The following DNAH6 variants were observed in gnomAD, a reference collection of about 807,000 sequenced individuals.
DNAH6 encodes the protein dynein axonemal heavy chain 6.
DNAH6 carries 340 observed loss-of-function variants against 491.4 expected under a neutral mutation model. The observed-to-expected ratio is 0.69, with a 90% CI of 0.63 to 0.76. DNAH6 has a LOEUF of 0.76. Among genes scored for constraint, DNAH6 ranks in the 30% least tolerant of loss-of-function variants. The pLI, the probability that DNAH6 is intolerant of heterozygous loss-of-function variation, is 0.00. For synonymous variants in DNAH6, 1,603 were observed against 1,686.1 expected (o/e 0.95, Z 1.21); for missense variants, 4,443 against 4,972.2 (o/e 0.89, Z 3.20).
intron 64 of DNAH6, among the ~76,000 whole-genome samples, chr2:84,772,323 A>G (rs916477988): frequency 6.6e-6 from 1 of 152,160 alleles, no homozygotes; most frequent in African/African-American, 2.4e-5. Flanking sequence ...TAAAAAAATC[A>G]GAGAAGTAAA....
At chr2:84,775,632 T>C (rs1338886374) in intron 64 of DNAH6, among the ~76,000 whole-genome samples, 1 of 152,276 alleles carries the variant, frequency 6.6e-6, no homozygotes, top group East Asian at 1.9e-4. Flanking sequence ...TGTGAATCTT[T>C]CTGGTCCAGG....
intron 29 of DNAH6, 71 bp from the exon 30 acceptor site, chr2:84,634,433 A>G (rs1688681486): frequency 5.2e-6 from 7 of 1,342,400 alleles, no homozygotes; most frequent in Non-Finnish European, 6.7e-6. Flanking sequence ...TTAATATTTC[A>G]GCTCAGAATT....
At chr2:84,521,948 C>A (rs12336779) in intron 2 of DNAH6, among the ~76,000 whole-genome samples, 5 of 152,112 alleles carry the variant, frequency 3.3e-5, no homozygotes, top group Non-Finnish European at 7.4e-5. Context: ...ATTGCCTTGG[C>A]TATTCAGCCT....
intron 4 of DNAH6, among the ~76,000 whole-genome samples, chr2:84,535,906 A>G (rs143815304): frequency 0.015 from 2,233 of 152,074 alleles, 36 homozygotes; most frequent in Middle Eastern, 0.092. Context: ...CTCTCTGGGG[A>G]TTAAATATTC....
intron 4 of DNAH6, among the ~76,000 whole-genome samples, chr2:84,534,730 C>T (rs1224317481): frequency 1.3e-5 from 2 of 151,962 alleles, no homozygotes; most frequent in East Asian, 3.9e-4. Context: ...ATGTTACCAA[C>T]TGGGAAAAAT....
intron 64 of DNAH6, chr2:84,778,100 C>A: frequency 1.2e-6 from 1 of 811,876 alleles, no homozygotes; most frequent in South Asian, 1.3e-5. Flanking sequence ...TTAAACTGCC[C>A]GTCAGTTGTG....
At chr2:84,557,678 A>T in intron 10 of DNAH6, 57 bp from the exon 11 acceptor site, 1 of 490,756 alleles carries the variant, frequency 2.0e-6, no homozygotes, top group Non-Finnish European at 3.0e-6. Context: ...AAAAAAAAAA[A>T]AAAAAATTTA....
chr2:84,681,294 T>A, intron 41 of DNAH6, 63 bp from the exon 42 acceptor site: 1 of 1,356,216 alleles, frequency 7.4e-7, no homozygotes, highest in South Asian at 1.6e-5. Context: ...TCCGGAGTAT[T>A]TAAAAGATAG....
chr2:84,640,353 T>C (rs1689272807), intron 31 of DNAH6, 77 bp from the exon 32 acceptor site: 1 of 898,178 alleles, frequency 1.1e-6, no homozygotes, highest in Non-Finnish European at 1.7e-6. Context: ...AGAGTCAATT[T>C]TGACTATGTT....
At chr2:84,624,765 G>A (rs1687703566) in intron 28 of DNAH6, 137 bp from the exon 29 acceptor site, 2 of 1,224,172 alleles carry the variant, frequency 1.6e-6, no homozygotes, top group South Asian at 1.6e-5. Context: ...ATTTAATTAT[G>A]TGCATGGATC....
rs552500475 is a variant in DNAH6, at chr2:84,705,697, C to T, written c.8677C>T (p.Arg2893Ter). Residue 2893 changes from arginine (R) to a stop codon, truncating the protein, a stop_gained, in exon 52 of 77, where the codon CGA becomes TGA. Transcript: ENST00000389394. LOFTEE classifies it high-confidence loss of function. The part of the protein sequence containing the change: ...MWVRAMDLYS[R>*]VVKVVEPKRQ... ...GGTAAGAGCTATGGATTTGTACTCT[C>T]GAGTGGTCAAGGTCGTCGAACCAAA... is the stretch of plus-strand genomic sequence containing the variant. 4.5e-6 allele frequency: 7 copies of T among 1,551,636 alleles called. No individual in the cohort carries two copies. The East Asian group carries it at 7.3e-5, about 16-fold the overall frequency.
chr2:84,700,965 T>C, intron 48 of DNAH6, 132 bp from the exon 49 acceptor site: 2 of 1,018,800 alleles, frequency 2.0e-6, no homozygotes, highest in South Asian at 3.4e-5. Context: ...ACCATAGACA[T>C]GAGTAGGAGT....
chr2:84,743,779 G>A (rs1398291842), intron 62 of DNAH6, among the ~76,000 whole-genome samples: 2 of 152,128 alleles, frequency 1.3e-5, no homozygotes, highest in Admixed American at 1.3e-4. Context: ...CCGAGAACAC[G>A]CCACTGCACT....
the DNAH6 span, among the ~76,000 whole-genome samples, chr2:84,503,921 G>T: frequency 8.5e-5 from 13 of 152,104 alleles, no homozygotes; most frequent in Admixed American, 7.9e-4. Context: ...TAACATTCTT[G>T]TACTTGGATA....
intron 57 of DNAH6, among the ~76,000 whole-genome samples, chr2:84,713,748 G>T (rs1031356912): frequency 6.6e-6 from 1 of 152,190 alleles, no homozygotes; most frequent in Admixed American, 6.5e-5. Flanking sequence ...AATGCCCACA[G>T]CATATGTGCC....
intron 53 of DNAH6, 59 bp downstream of exon 53, chr2:84,707,078 G>A (rs1696534760): frequency 6.8e-7 from 1 of 1,472,796 alleles, no homozygotes; most frequent in African/African-American, 1.4e-5. Flanking sequence ...GAAGTAGGAA[G>A]AAGTTTTTGG....
the DNAH6 span, among the ~76,000 whole-genome samples, chr2:84,498,894 A>G: frequency 2.0e-5 from 3 of 151,768 alleles, no homozygotes; most frequent in Non-Finnish European, 4.4e-5. Flanking sequence ...GCACACATCC[A>G]TTTGCTGTTT....
chr2:84,529,188 A>T, intron 4 of DNAH6, 22 bp downstream of exon 4: 1 of 1,476,554 alleles, frequency 6.8e-7, no homozygotes, highest in Non-Finnish European at 9.1e-7. Context: ...TTTATGATGC[A>T]ATTTAACATA....
chr2:84,765,360 A>G (rs1268345716), intron 64 of DNAH6, among the ~76,000 whole-genome samples: 1 of 152,098 alleles, frequency 6.6e-6, no homozygotes, highest in Non-Finnish European at 1.5e-5. Flanking sequence ...TATTAACTTC[A>G]TCGCTTTTGT....
Sources: gnomAD v4.1 joint callset for allele counts (sites outside exome capture counted in the v4.1 genomes callset) on GRCh38, gnomAD v4.1.1 for gene constraint, MANE v1.5 for transcripts, NCBI Gene and HGNC (gene_info 2026-07-23, HGNC 2026-07-21) for gene names.